The following SYCE1 variants were observed in gnomAD, a reference collection of about 807,000 sequenced individuals.
The protein encoded by SYCE1 is synaptonemal complex central element protein 1, also known as cancer/testis antigen 76.
Under a neutral mutation model 55.1 loss-of-function variants are expected in SYCE1, and 37 were observed. That is an observed-to-expected ratio of 0.67 (90% CI 0.52 to 0.88). The LOEUF (loss-of-function observed/expected upper bound fraction) is 0.88, where lower values mean the gene tolerates loss of function less well. Ranked by LOEUF, SYCE1 falls within the 40% of genes least tolerant of loss-of-function variation. The pLI, the probability that SYCE1 is intolerant of heterozygous loss-of-function variation, is 0.00. For synonymous variants in SYCE1, 163 were observed against 159.4 expected (o/e 1.02, Z -0.17); for missense variants, 399 against 416.4 (o/e 0.96, Z 0.36).
upstream of SYCE1, among the ~76,000 whole-genome samples, chr10:133,565,957 C>T (rs28402799): frequency 0.013 from 1,971 of 152,168 alleles, no homozygotes; most frequent in African/African-American, 0.045. Context: ...CATGAGGTTG[C>T]GGCTCTGCGG....
chr10:133,564,330 C>A (rs1464242150), intron 1 of SYCE1: 2 of 953,184 alleles, frequency 2.1e-6, no homozygotes, highest in East Asian at 2.3e-4. Context: ...GCCTCGAAAA[C>A]TGTGAGAAAT....
chr10:133,561,991 T>G (rs1851825039), intron 1 of SYCE1, among the ~76,000 whole-genome samples: 1 of 152,112 alleles, frequency 6.6e-6, no homozygotes, highest in African/African-American at 2.4e-5. Flanking sequence ...GGGATTTATT[T>G]ACATAACAAG....
chr10:133,558,315 C>T, intron 4 of SYCE1, 101 bp from the exon 5 acceptor site: 2 of 1,378,604 alleles, frequency 1.5e-6, no homozygotes, highest in Non-Finnish European at 1.0e-6. Context: ...CAGCCTTGGC[C>T]CCAACCCAAA....
At chr10:133,568,215 G>C (rs1342107701), upstream of SYCE1, 4 of 1,229,638 alleles carry the variant, frequency 3.3e-6, no homozygotes, top group South Asian at 5.1e-5. Context: ...AGCCGGTCCT[G>C]TTGCCTCCGG....
rs1378676828 is a variant in SYCE1 at position 133,565,506 on chromosome 10, C to A, written c.24G>T (p.Ser8=). 1.9e-6 allele frequency: 3 copies of A among 1,550,042 alleles called. No homozygotes were observed. The highest frequency in any genetic ancestry group is 4.9e-5 in the East Asian group (2 of 40,880). The change falls in exon 1 of 13, where the codon TCG becomes TCT. Residue 8 remains serine, a synonymous_variant. Transcript: ENST00000343131. ...CGGCTCCTGCGGTGGGCTCGGCCTT[C>A]GATGTCAGGGACCTCCCCGCCATTT... MAGRSLT[S]KAEPTAGAVD...
chr10:133,556,154 A>G, intron 8 of SYCE1, 107 bp from the exon 9 acceptor site: 10 of 1,317,304 alleles, frequency 7.6e-6, no homozygotes, highest in Non-Finnish European at 1.1e-5. Context: ...CTCACTTCCA[A>G]CAACTCTGCC....
chr10:133,560,386 C>T (rs1005186405), intron 1 of SYCE1: 11 of 375,594 alleles, frequency 2.9e-5, no homozygotes, highest in African/African-American at 1.7e-4. Flanking sequence ...CAGGGGTGCA[C>T]TCTCACTGCT....
intron 8 of SYCE1, 85 bp from the exon 9 acceptor site, chr10:133,556,132 TACTC>T (rs1851677858): frequency 1.3e-6 from 2 of 1,501,694 alleles, no homozygotes; most frequent in Middle Eastern, 2.3e-4. Flanking sequence ...GTTTCATACT[TACTC>T]ACTATGCCTC....
At chr10:133,562,602 C>T (rs11101831) in intron 1 of SYCE1, among the ~76,000 whole-genome samples, 14,912 of 152,084 alleles carry the variant, frequency 0.098, 901 homozygotes, top group East Asian at 0.25. Context: ...ATGTCAGCTC[C>T]TAAACTGTTT....
At chr10:133,558,689 G>A in intron 4 of SYCE1, 188 bp downstream of exon 4, 1 of 611,652 alleles carries the variant, frequency 1.6e-6, no homozygotes. Flanking sequence ...CCTGAGGTGG[G>A]AATGAGGTTG....
chr10:133,559,560 G>A (rs1049888239), intron 2 of SYCE1, 200 bp from the exon 3 acceptor site: 39 of 584,918 alleles, frequency 6.7e-5, no homozygotes, highest in South Asian at 5.3e-4. Flanking sequence ...ATGGGGCTGC[G>A]GTAACCGTGT....
chr10:133,560,522 A>C (rs1851794273), intron 1 of SYCE1: 1 of 162,634 alleles, frequency 6.1e-6, no homozygotes, highest in African/African-American at 2.4e-5. Flanking sequence ...GGAAGTTCTT[A>C]GAGAGTTTTC....
chr10:133,567,738 TG>T (rs1851981758), upstream of SYCE1: 1 of 249,432 alleles, frequency 4.0e-6, no homozygotes, highest in Non-Finnish European at 8.2e-6. Context: ...CTTGGGTTCC[TG>T]GCCTTGGCAC....
At chr10:133,567,825 G>A (rs1372277560), upstream of SYCE1, 1 of 373,124 alleles carries the variant, frequency 2.7e-6, no homozygotes, top group Admixed American at 3.2e-5. Context: ...TTGGCTGAGG[G>A]GACCCTAACA....
upstream of SYCE1, chr10:133,565,617 A>AGCGCGCCTGCGCAAT (rs1051820173): frequency 2.3e-5 from 31 of 1,368,582 alleles, no homozygotes; most frequent in African/African-American, 2.2e-4. Flanking sequence ...GACTCCAGGC[A>AGCGCGCCTGCGCAAT]GCGCGCCTGC....
downstream of SYCE1, chr10:133,554,299 C>T (rs1381683698): frequency 1.9e-6 from 3 of 1,614,060 alleles, no homozygotes; most frequent in Middle Eastern, 1.6e-4. Flanking sequence ...TTCAACTCCA[C>T]CATGTCACTG....
intron 1 of SYCE1, chr10:133,564,489 T>A (rs1318460744): frequency 2.1e-6 from 2 of 940,072 alleles, no homozygotes; most frequent in African/African-American, 3.6e-5. Flanking sequence ...ATGAAAGGGA[T>A]ACGTTTGCGT....
At chr10:133,564,361 G>A (rs1271366283) in intron 1 of SYCE1, 23 of 982,562 alleles carry the variant, frequency 2.3e-5, no homozygotes, top group Non-Finnish European at 2.5e-5. Flanking sequence ...TGTTGTAGCA[G>A]TTTGAACTAA....
chr10:133,559,217 A>G (rs1851762449), intron 3 of SYCE1, 84 bp downstream of exon 3: 2 of 1,454,660 alleles, frequency 1.4e-6, no homozygotes, highest in Non-Finnish European at 1.9e-6. Flanking sequence ...ACTTTGGAAC[A>G]AGGGACCCTG....
Sources: gnomAD v4.1 joint callset for allele counts (sites outside exome capture counted in the v4.1 genomes callset) on GRCh38, gnomAD v4.1.1 for gene constraint, MANE v1.5 for transcripts, NCBI Gene and HGNC (gene_info 2026-07-23, HGNC 2026-07-21) for gene names.